SLC30A5: variants seen among roughly 807,000 people sequenced by gnomAD.
The protein encoded by SLC30A5 is proton-coupled zinc antiporter SLC30A5.
In SLC30A5, 33 loss-of-function variants were observed where a neutral mutation model predicts 79.6. That is an observed-to-expected ratio of 0.41 (90% confidence interval 0.31 to 0.55). SLC30A5 has a LOEUF of 0.55. Ranked by LOEUF, SLC30A5 falls within the 20% of genes least tolerant of loss-of-function variation. The probability of loss-of-function intolerance (pLI) is 0.20; values close to 1 mark genes in which losing one functional copy is unlikely to be tolerated. For missense variants in SLC30A5, 788 were observed against 928.1 expected (o/e 0.85, Z 1.96); for synonymous variants, 299 against 319.7 (o/e 0.94, Z 0.69).
At position 69,116,545 on chromosome 5, in the gene SLC30A5, A is replaced by G; in HGVS notation, c.1224A>G (p.Lys408=). ...CTAGGTTTATTAAGGAATCACTAAAACAAATTCTTGAGGAGAGTGACTCTA... is the reference window on the plus strand; with the variant it reads ...CTAGGTTTATTAAGGAATCACTAAAGCAAATTCTTGAGGAGAGTGACTCTA... ...SIPRFIKESL[K]QILEESDSRQ... The change falls in exon 10 of 16, where the codon AAA becomes AAG. Residue 408 remains lysine (K), a synonymous_variant. Coordinates refer to ENST00000396591, the MANE Select transcript of SLC30A5 (RefSeq NM_022902.5). The surrounding 1 kb of genome is among the most constrained non-coding windows in gnomAD (Gnocchi z 4.0). 1 of 1,610,666 alleles carries G rather than the reference A, an allele frequency of 6.2e-7. No individual in the cohort carries two copies.
At chr5:69,128,995 G>A (rs770937550) in intron 15 of SLC30A5, among the ~76,000 whole-genome samples, 5 of 151,964 alleles carry the variant, frequency 3.3e-5, no homozygotes, top group Non-Finnish European at 7.4e-5. Context: ...TTGTTTGTTT[G>A]TTTACTCATT....
At chr5:69,112,140 T>C (rs1309764679) in intron 5 of SLC30A5, among the ~76,000 whole-genome samples, 1 of 151,940 alleles carries the variant, frequency 6.6e-6, no homozygotes, top group Non-Finnish European at 1.5e-5. Flanking sequence ...GTACTAAAAA[T>C]GCAAAAATTA....
intron 1 of SLC30A5, among the ~76,000 whole-genome samples, chr5:69,097,178 C>CGA (rs1745767382): frequency 7.3e-6 from 1 of 137,346 alleles, no homozygotes; most frequent in Non-Finnish European, 1.5e-5. Flanking sequence ...TGCAGTGGCG[C>CGA]GATCTCGGCT....
rs1746546456 is a variant in SLC30A5, at chr5:69,121,902, C to A, written c.1771+7C>A. 1.9e-6 allele frequency: 3 copies of A among 1,608,302 alleles called. No individual in the cohort carries two copies. The highest frequency in any genetic ancestry group is 3.6e-4 in the Middle Eastern group (2 of 5,554). ...ATGAATGCTAACATGAGGGGTGAGT[C>A]CTTGCAAAATATTATCCTACTTTTC... is the stretch of plus-strand genomic sequence containing the variant. On this transcript the variant is annotated splice_region_variant and intron_variant, in intron 13 of 15. Coordinates refer to ENST00000396591, the MANE Select transcript of SLC30A5 (RefSeq NM_022902.5).
rs187628709 is a variant in SLC30A5, at chr5:69,124,005, C to T, written c.1998+580C>T. ...GCGGGCACCTGTAGTCCCAGCTACT[C>T]GGGAGGCTGAGGCAGGAGAATGGCG... is the stretch of plus-strand genomic sequence containing the variant. On this transcript the variant is annotated intron_variant, in intron 14 of 15. Transcript: ENST00000396591. Among the ~76,000 whole-genome samples the T allele has an allele frequency of 4.8e-3, 712 of 148,934 alleles. 6 individuals are homozygous for T. The highest frequency in any genetic ancestry group is 0.016 in the African/African-American group (662 of 40,406).
At chr5:69,103,805 T>C (rs550260688) in intron 3 of SLC30A5, among the ~76,000 whole-genome samples, 1 of 152,344 alleles carries the variant, frequency 6.6e-6, no homozygotes, top group African/African-American at 2.4e-5. Flanking sequence ...AGTTATACCA[T>C]AGTACATGTT....
chr5:69,115,134 GGAAAAAAAAAAAA>G, intron 7 of SLC30A5, 90 bp from the exon 8 acceptor site: 1 of 659,956 alleles, frequency 1.5e-6, no homozygotes, highest in Non-Finnish European at 2.3e-6. Flanking sequence ...CTGTCTCTGG[GGAAAAAAAAAAAA>G]AAAAAAAAAA....
intron 3 of SLC30A5, chr5:69,104,256 G>C (rs1451072419): frequency 3.6e-6 from 2 of 563,220 alleles, no homozygotes; most frequent in East Asian, 1.1e-4. Flanking sequence ...TCCTGCCTCA[G>C]CCTCCTGAGT....
chr5:69,113,283 T>C (rs547809108), intron 6 of SLC30A5, 56 bp downstream of exon 6: 19 of 1,285,440 alleles, frequency 1.5e-5, no homozygotes, highest in Admixed American at 8.3e-5. Flanking sequence ...ACTAGAAGCC[T>C]GGAACAATGG....
At chr5:69,100,731 T>C in intron 1 of SLC30A5, 76 bp from the exon 2 acceptor site, 1 of 1,314,690 alleles carries the variant, frequency 7.6e-7, no homozygotes. Context: ...TAATGACCTC[T>C]TGTTTAAAAA....
At chr5:69,115,548 A>G in intron 8 of SLC30A5, 141 bp downstream of exon 8, 1 of 696,572 alleles carries the variant, frequency 1.4e-6, no homozygotes, top group Admixed American at 3.4e-5. Context: ...TTTTCTTTGT[A>G]GTTTTTTAAA....
chr5:69,100,291 T>C (rs992421645), intron 1 of SLC30A5, among the ~76,000 whole-genome samples: 6 of 152,172 alleles, frequency 3.9e-5, no homozygotes, highest in African/African-American at 1.4e-4. Context: ...GGTCTCACTC[T>C]GTCGCCCAGG....
intron 4 of SLC30A5, among the ~76,000 whole-genome samples, chr5:69,107,646 T>G (rs949004085): frequency 3.3e-5 from 5 of 152,084 alleles, no homozygotes; most frequent in Admixed American, 6.6e-5. Flanking sequence ...TCAGCTCCAT[T>G]ATAATCTTAT....
intron 7 of SLC30A5, 70 bp from the exon 8 acceptor site, chr5:69,115,167 A>AAAAAAATT: frequency 1.3e-6 from 1 of 743,904 alleles, no homozygotes; most frequent in Non-Finnish European, 2.1e-6. Flanking sequence ...AAAAAAAAAG[A>AAAAAAATT]TCATGTATTT....
intron 4 of SLC30A5, among the ~76,000 whole-genome samples, chr5:69,105,768 G>A (rs1473785169): frequency 6.6e-6 from 1 of 152,272 alleles, no homozygotes; most frequent in East Asian, 1.9e-4. Context: ...GGTGAGCCAC[G>A]GGGGAGCAAG....
intron 1 of SLC30A5, among the ~76,000 whole-genome samples, chr5:69,096,981 A>C (rs990110833): frequency 6.6e-6 from 1 of 150,506 alleles, no homozygotes; most frequent in African/African-American, 2.5e-5. Context: ...CCAAAAAAAA[A>C]CCCCAAAAAA....
At chr5:69,094,597 C>A (rs866951918) in intron 1 of SLC30A5, among the ~76,000 whole-genome samples, 4 of 152,080 alleles carry the variant, frequency 2.6e-5, no homozygotes, top group Admixed American at 2.6e-4. Context: ...TTAGAACTGC[C>A]CGCCAGTTCA....
In SLC30A5 at chr5:69,130,633, C is replaced by T. The variant is rs188173429; in HGVS notation, c.*1016C>T. On this transcript the variant is annotated 3_prime_UTR_variant, in exon 16 of 16. Coordinates refer to ENST00000396591, the MANE Select transcript of SLC30A5 (RefSeq NM_022902.5). ...TAAAACTTGTTCATAAACATTTGAGCACCATGAAATCAAAATACCCTATAA... is the reference window on the plus strand; with the variant it reads ...TAAAACTTGTTCATAAACATTTGAGTACCATGAAATCAAAATACCCTATAA... The T allele has an allele frequency of 6.6e-6, 1 of 152,138 alleles. No individual in the cohort carries two copies. The highest frequency in any genetic ancestry group is 1.9e-4 in the East Asian group (1 of 5,188). 9.4% of individuals were successfully genotyped at this position (152,138 alleles called of 1,614,324 possible).
At chr5:69,113,059 T>C in intron 5 of SLC30A5, 81 bp from the exon 6 acceptor site, 2 of 1,109,234 alleles carry the variant, frequency 1.8e-6, no homozygotes, top group South Asian at 1.4e-5. Flanking sequence ...GAAAATGTTT[T>C]TCTTTAGTAT....
Sources: allele counts gnomAD v4.1 joint callset (sites outside exome capture counted in the v4.1 genomes callset), GRCh38; gene constraint gnomAD v4.1.1; non-coding constraint Gnocchi (gnomAD v3.1); transcripts MANE v1.5; gene names NCBI Gene and HGNC (gene_info 2026-07-23, HGNC 2026-07-21).